The following TBL1XR1 variants were observed in gnomAD, a reference collection of about 807,000 sequenced individuals.
TBL1XR1 encodes TBL1X/Y related 1.
In TBL1XR1, 5 loss-of-function variants were observed where a neutral mutation model predicts 66.9. The ratio of observed to expected loss-of-function variants is 0.07; its 90% CI spans 0.04 to 0.16. TBL1XR1 has a LOEUF of 0.16. Ranked by LOEUF, TBL1XR1 falls within the 10% of genes least tolerant of loss-of-function variation. The pLI is 1.00. For missense variants in TBL1XR1, 238 were observed against 623.2 expected (o/e 0.38, Z 6.58); for synonymous variants, 210 against 206.0 (o/e 1.02, Z -0.17).
At chr3:177,135,379 A>ATATATATATG (rs1301661208) in intron 1 of TBL1XR1, among the ~76,000 whole-genome samples, 1 of 26,372 alleles carries the variant, frequency 3.8e-5, no homozygotes, top group Non-Finnish European at 6.2e-5. Flanking sequence ...ATATATATAT[A>ATATATATATG]TATGTATGTA....
At chr3:177,104,683 TA>T (rs1029349408) in intron 1 of TBL1XR1, among the ~76,000 whole-genome samples, 2 of 152,180 alleles carry the variant, frequency 1.3e-5, no homozygotes, top group African/African-American at 4.8e-5. Flanking sequence ...CACCAATTTT[TA>T]AAAATAAGCT....
chr3:177,135,357 A>G lies in TBL1XR1; in HGVS notation c.-121-36816T>C, dbSNP rs61217097. Reference sequence around the variant, plus strand: ...TGTATACATATATATATATATATATATATATATATATATATATATATATAT... The same window carrying G: ...TGTATACATATATATATATATATATGTATATATATATATATATATATATAT... On this transcript the variant is annotated intron_variant, in intron 1 of 15. Transcript: ENST00000457928. Among the ~76,000 whole-genome samples the G allele has an allele frequency of 7.0e-4, 27 of 38,758 alleles. 1 individual carries two copies. Among genetic ancestry groups the G allele is most frequent in the East Asian group, 2.7e-3 (3 of 1,114 alleles). 25.4% of individuals were successfully genotyped at this position (38,758 alleles called of 152,430 possible).
chr3:177,181,984 T>C (rs1367424516), intron 1 of TBL1XR1, among the ~76,000 whole-genome samples: 1 of 151,948 alleles, frequency 6.6e-6, no homozygotes, highest in African/African-American at 2.4e-5. Flanking sequence ...TTGAGTATAT[T>C]CCTTGTTTCC....
intron 1 of TBL1XR1, among the ~76,000 whole-genome samples, chr3:177,174,718 G>A (rs1481661247): frequency 1.3e-5 from 2 of 152,092 alleles, no homozygotes; most frequent in East Asian, 1.9e-4. Context: ...AGAATTACTG[G>A]TGTCATTCAC....
At chr3:177,189,952 G>A (rs1237486847) in intron 1 of TBL1XR1, among the ~76,000 whole-genome samples, 1 of 151,720 alleles carries the variant, frequency 6.6e-6, no homozygotes, top group African/African-American at 2.4e-5. Flanking sequence ...AAATAATGAA[G>A]AAAAAACCTA....
intron 1 of TBL1XR1, among the ~76,000 whole-genome samples, chr3:177,163,238 G>T (rs921093625): frequency 6.6e-6 from 1 of 152,152 alleles, no homozygotes; most frequent in East Asian, 1.9e-4. Flanking sequence ...CGGGCGTGGT[G>T]GCTCACGCTT....
rs944380766 is a variant in TBL1XR1 at position 177,020,440 on chromosome 3, A to G, written c.*5058T>C. The G allele has an allele frequency of 9.2e-5, 14 of 152,164 alleles. No individual in the cohort carries two copies. The highest frequency in any genetic ancestry group is 5.9e-4 in the Admixed American group (9 of 15,268). 9.4% of individuals were successfully genotyped at this position (152,164 alleles called of 1,614,324 possible). On this transcript the variant is annotated 3_prime_UTR_variant, in exon 16 of 16. Coordinates refer to ENST00000457928, the MANE Select transcript of TBL1XR1 (RefSeq NM_024665.7). ...CTGCAAGAAGTAATAAAAATAGTAAAATTTGTAATTTTATTATGGGCTTAA... is the reference window on the plus strand; with the variant it reads ...CTGCAAGAAGTAATAAAAATAGTAAGATTTGTAATTTTATTATGGGCTTAA...
chr3:177,058,870 G>C (rs557426197), intron 3 of TBL1XR1, among the ~76,000 whole-genome samples: 1 of 152,082 alleles, frequency 6.6e-6, no homozygotes, highest in East Asian at 1.9e-4. Flanking sequence ...CGAATTTCCT[G>C]TGTCAGCAAA....
At position 177,020,214 on chromosome 3, in the gene TBL1XR1, A is replaced by G. The variant is rs1043566187; in HGVS notation, c.*5284T>C. 6.6e-6 allele frequency: 1 copy of G among 151,960 alleles called. No homozygotes were observed. Among genetic ancestry groups the G allele is most frequent in the African/African-American group, 2.4e-5 (1 of 41,390 alleles). 9.4% of individuals were successfully genotyped at this position (151,960 alleles called of 1,614,324 possible). ...GCCCTAATCTTCAACACATCTACAC[A>G]TTGTTTTGTGCTCAACCGTGTGGCT... On this transcript the variant is annotated 3_prime_UTR_variant, in exon 16 of 16. Transcript: ENST00000457928.
intron 1 of TBL1XR1, among the ~76,000 whole-genome samples, chr3:177,172,261 C>CAAAAAAAA (rs35087965): frequency 1.0e-5 from 1 of 100,326 alleles, no homozygotes; most frequent in African/African-American, 4.1e-5. Context: ...ACTCCCACCT[C>CAAAAAAAA]AAAAAAAAAA....
intron 1 of TBL1XR1, among the ~76,000 whole-genome samples, chr3:177,110,392 C>T (rs1725403838): frequency 6.6e-6 from 1 of 152,218 alleles, no homozygotes; most frequent in South Asian, 2.1e-4. Flanking sequence ...TACAATGTAT[C>T]TAGGGCTATA....
chr3:177,050,583 T>C lies in TBL1XR1; in HGVS notation c.455A>G (p.Asp152Gly). 6.2e-7 allele frequency: 1 copy of C among 1,613,808 alleles called. No homozygotes were observed. The highest frequency in any genetic ancestry group is 8.5e-7 in the Non-Finnish European group (1 of 1,179,800). ...ATTAGGAGGGATTTCAACATCCCCA[T>C]CCACTTCCATCATATCAGTATGATT... The part of the protein sequence containing the change: ...ANNHTDMMEV[D>G]GDVEIPPNKA... Residue 152 changes from aspartate (D) to glycine (G), a missense_variant, in exon 6 of 16, where the codon GAT (aspartate) becomes GGT (glycine). By Grantham distance (94) the Asp-to-Gly change is moderately conservative (BLOSUM62 -1). Around this residue, in one of 8 missense-constraint regions of TBL1XR1, gnomAD observed 80 missense variants for 100.5 expected, o/e 0.80. Coordinates refer to ENST00000457928, the MANE Select transcript of TBL1XR1 (RefSeq NM_024665.7).
intron 9 of TBL1XR1, 53 bp from the exon 10 acceptor site, chr3:177,046,242 A>G: frequency 2.2e-6 from 3 of 1,349,920 alleles, no homozygotes; most frequent in Admixed American, 2.5e-5. Context: ...TTTAACATAC[A>G]TGTGTAAAGT....
intron 1 of TBL1XR1, among the ~76,000 whole-genome samples, chr3:177,174,107 C>T (rs1440947988): frequency 2.0e-5 from 3 of 152,034 alleles, no homozygotes; most frequent in Non-Finnish European, 4.4e-5. Flanking sequence ...TTATTTATCC[C>T]TTGGTTAAGG....
intron 1 of TBL1XR1, among the ~76,000 whole-genome samples, chr3:177,158,382 C>A (rs1160827886): frequency 6.6e-6 from 1 of 152,068 alleles, no homozygotes; most frequent in Non-Finnish European, 1.5e-5. Flanking sequence ...GTGCGAACCA[C>A]TATGCCCAGC....
chr3:177,132,507 A>G (rs534210869), intron 1 of TBL1XR1, among the ~76,000 whole-genome samples: 1 of 152,320 alleles, frequency 6.6e-6, no homozygotes, highest in East Asian at 1.9e-4. Context: ...TTCTTTAGCA[A>G]TCAAACCTTG....
At chr3:177,112,107 A>ATATATATATATTTTT in intron 1 of TBL1XR1, among the ~76,000 whole-genome samples, 2 of 37,652 alleles carry the variant, frequency 5.3e-5, no homozygotes, top group Non-Finnish European at 4.5e-5. Flanking sequence ...ATATATATAT[A>ATATATATATATTTTT]TTTTTTTTTT....
At chr3:177,153,534 TA>T (rs1019921463) in intron 1 of TBL1XR1, among the ~76,000 whole-genome samples, 1 of 152,154 alleles carries the variant, frequency 6.6e-6, no homozygotes, top group Non-Finnish European at 1.5e-5. Context: ...TATGCTATTA[TA>T]AAAAATCTAA....
At chr3:177,121,698 C>G (rs1726994901) in intron 1 of TBL1XR1, among the ~76,000 whole-genome samples, 1 of 152,150 alleles carries the variant, frequency 6.6e-6, no homozygotes, top group Non-Finnish European at 1.5e-5. Flanking sequence ...CTGAGCTCCG[C>G]CTCTTTTTGG....
Sources: gnomAD v4.1 joint callset for allele counts (sites outside exome capture counted in the v4.1 genomes callset) on GRCh38, gnomAD v4.1.1 for gene constraint, gnomAD v4.1.1 regional missense constraint, MANE v1.5 for transcripts, NCBI Gene and HGNC (gene_info 2026-07-23, HGNC 2026-07-21) for gene names.